XXYLT1: variants seen among roughly 807,000 people sequenced by gnomAD.
The protein encoded by XXYLT1 is UDP-xylose:alpha-xyloside alpha-1,3-xylosyltransferase.
A neutral mutation model predicts 28.9 loss-of-function variants in XXYLT1; 20 were observed. That is an observed-to-expected ratio of 0.69 (90% CI 0.49 to 1.00). The LOEUF (loss-of-function observed/expected upper bound fraction) is 1.00. XXYLT1 is among the 50% of genes least tolerant of loss of function. XXYLT1 has a pLI of 0.00. For missense variants in XXYLT1, 542 were observed against 560.1 expected, an observed-to-expected ratio of 0.97 and a Z score of 0.33; for synonymous variants, 257 against 253.8, an observed-to-expected ratio of 1.01 and a Z score of -0.12.
At chr3:195,109,615 TGA>T (rs756668382) in intron 3 of XXYLT1, among the ~76,000 whole-genome samples, 1 of 14,348 alleles carries the variant, frequency 7.0e-5, no homozygotes, top group Admixed American at 8.2e-4. Context: ...GTGTGTTGTA[TGA>T]GTGTGTGTGG....
chr3:195,084,889 T>C (rs1326525116), intron 3 of XXYLT1, among the ~76,000 whole-genome samples: 1 of 152,180 alleles, frequency 6.6e-6, no homozygotes, highest in Non-Finnish European at 1.5e-5. Flanking sequence ...ACACCTTGGC[T>C]CTTGGCAGGG....
At chr3:195,269,662 A>G (rs758259877) in intron 1 of XXYLT1, among the ~76,000 whole-genome samples, 14 of 152,222 alleles carry the variant, frequency 9.2e-5, no homozygotes, top group Non-Finnish European at 1.8e-4. Context: ...CACATAATAC[A>G]ACTCCTGTCT....
chr3:195,207,813 ACT>A (rs1280508734), intron 2 of XXYLT1, among the ~76,000 whole-genome samples: 1 of 152,050 alleles, frequency 6.6e-6, no homozygotes, highest in Non-Finnish European at 1.5e-5. Context: ...CTATGTAAAG[ACT>A]CAATTCCCCT....
intron 2 of XXYLT1, chr3:195,175,530 G>C: frequency 6.6e-7 from 1 of 1,517,914 alleles, no homozygotes; most frequent in Admixed American, 2.0e-5. Context: ...CCCATGGGCT[G>C]TTCAGATGGA....
intron 3 of XXYLT1, among the ~76,000 whole-genome samples, chr3:195,149,244 A>G (rs1408997703): frequency 1.3e-5 from 2 of 152,216 alleles, no homozygotes; most frequent in Admixed American, 1.3e-4. Flanking sequence ...AATATAGAAA[A>G]TTTCTGGAAA....
intron 3 of XXYLT1, among the ~76,000 whole-genome samples, chr3:195,108,948 A>G (rs909142885): frequency 5.9e-5 from 9 of 152,194 alleles, no homozygotes; most frequent in African/African-American, 1.7e-4. Context: ...TAAGGCAGCT[A>G]TTATCTTGTG....
intron 3 of XXYLT1, chr3:195,152,458 G>A (rs1473180533): frequency 6.6e-6 from 1 of 152,436 alleles, no homozygotes; most frequent in Non-Finnish European, 1.5e-5. Context: ...GGACCCGAGA[G>A]AGAGAGGCTC....
intron 3 of XXYLT1, among the ~76,000 whole-genome samples, chr3:195,094,843 C>T (rs1560091045): frequency 2.6e-5 from 4 of 152,258 alleles, no homozygotes; most frequent in South Asian, 2.1e-4. Context: ...TGCTCCACCA[C>T]GCACCTGTTC....
rs1719101133 is a variant in XXYLT1 at position 195,134,866 on chromosome 3, TGTGCGTGTGC to T, written c.785+21573_785+21582del. Among the ~76,000 whole-genome samples, 74 of 93,576 alleles carry T rather than the reference TGTGCGTGTGC, an allele frequency of 7.9e-4. 1 individual carries two copies. The highest frequency in any genetic ancestry group is 3.7e-3 in the East Asian group (4 of 1,068). The allele number at this position is 93,576 out of a possible 152,430, so 61.4% of individuals were successfully genotyped here. On this transcript the variant is annotated intron_variant, in intron 3 of 3. Transcript: ENST00000310380. ...GTGTGTGTGTGTGTGTGTGTGTGTG[TGTGCGTGTGC>T]GCGCGTGCGCGCACGTGCAAAGAGC... is the stretch of plus-strand genomic sequence containing the variant.
intron 2 of XXYLT1, among the ~76,000 whole-genome samples, chr3:195,161,537 T>C (rs757526202): frequency 1.8e-4 from 28 of 151,870 alleles, no homozygotes; most frequent in Non-Finnish European, 7.4e-5. Context: ...TTCTCTTTCA[T>C]TGACAAAGAC....
In XXYLT1 at chr3:195,216,588, T is replaced by C. The variant is rs1192138495; in HGVS notation, c.652+10121A>G. ...AGAAATGGATAAATTCCTCGACACATACACTCTCCCAAGACTAAACCAGGA... is the reference window on the plus strand; with the variant it reads ...AGAAATGGATAAATTCCTCGACACACACACTCTCCCAAGACTAAACCAGGA... On this transcript the variant is annotated intron_variant, in intron 2 of 3. Transcript: ENST00000310380. Among the ~76,000 whole-genome samples the C allele has an allele frequency of 1.3e-4, 19 of 148,314 alleles. 1 individual carries two copies. The highest frequency in any genetic ancestry group is 4.4e-4 in the African/African-American group (18 of 40,626).
chr3:195,235,891 TATAGAC>T (rs3988214), intron 1 of XXYLT1, among the ~76,000 whole-genome samples: 53,163 of 144,612 alleles, frequency 0.37, 10,393 homozygotes, highest in Non-Finnish European at 0.44. Flanking sequence ...TCTATAAATA[TATAGAC>T]ATAGACATAG....
intron 3 of XXYLT1, among the ~76,000 whole-genome samples, chr3:195,108,270 G>A (rs919529528): frequency 2.0e-5 from 3 of 152,184 alleles, no homozygotes; most frequent in Non-Finnish European, 2.9e-5. Flanking sequence ...AATTAGAAAC[G>A]CAAACCACCA....
chr3:195,081,196 G>A (rs76139026), intron 3 of XXYLT1, among the ~76,000 whole-genome samples: 6,764 of 151,336 alleles, frequency 0.045, 225 homozygotes, highest in East Asian at 0.19. Flanking sequence ...GATCGCTAAC[G>A]CTGCTGGTCC....
rs1432621918 is a variant in XXYLT1, at chr3:195,133,211, C to A, written c.785+23238G>T. Among the ~76,000 whole-genome samples the A allele has an allele frequency of 6.6e-6, 1 of 152,168 alleles. No homozygotes were observed. The highest frequency in any genetic ancestry group is 1.5e-5 in the Non-Finnish European group (1 of 68,028). ...GACGGCTGAAGCCCCAGGTGCCCCG[C>A]CTGCTGAGCAGACAGATGGCTGCAA... On this transcript the variant is annotated intron_variant, in intron 3 of 3. Transcript: ENST00000310380. The surrounding 1 kb of genome is among the most constrained non-coding windows in gnomAD (Gnocchi z 4.4).
chr3:195,261,568 C>T (rs1056089597), intron 1 of XXYLT1, among the ~76,000 whole-genome samples: 3 of 152,208 alleles, frequency 2.0e-5, no homozygotes, highest in African/African-American at 7.2e-5. Flanking sequence ...TGACTTCAGG[C>T]ACATCAGTGT....
In XXYLT1 at chr3:195,209,658, A is replaced by G. The variant is rs1723224911; in HGVS notation, c.652+17051T>C. The G allele has an allele frequency of 6.6e-6, 1 of 152,422 alleles. No homozygotes were observed. Among genetic ancestry groups the G allele is most frequent in the African/African-American group, 2.4e-5 (1 of 41,336 alleles). The allele number at this position is 152,422 out of a possible 1,614,324, so 9.4% of individuals were successfully genotyped here. A position where few individuals can be genotyped will look rare whatever the true frequency, so the allele number is the denominator to read the frequency against. ...GGCAGAGTGTGGGTCTGAACCAGAG[A>G]AAAAGGCTGCAGCACAGGAGGGATG... On this transcript the variant is annotated intron_variant, in intron 2 of 3. Transcript: ENST00000310380. This position sits in a 1 kb window ranked among gnomAD's most constrained non-coding sequence, Gnocchi z 5.0.
At chr3:195,219,099 G>T (rs1448967875) in intron 2 of XXYLT1, among the ~76,000 whole-genome samples, 1 of 151,572 alleles carries the variant, frequency 6.6e-6, no homozygotes, top group Admixed American at 6.6e-5. Context: ...CTCACTCATA[G>T]GTGGGAACTG....
At chr3:195,175,733 C>T in intron 2 of XXYLT1, 1 of 1,535,130 alleles carries the variant, frequency 6.5e-7, no homozygotes, top group Non-Finnish European at 8.7e-7. Context: ...TGGACTGTAG[C>T]AGTGAGAAGC....
Sources: allele counts gnomAD v4.1 joint callset (sites outside exome capture counted in the v4.1 genomes callset), GRCh38; gene constraint gnomAD v4.1.1; non-coding constraint Gnocchi (gnomAD v3.1); transcripts MANE v1.5; gene names NCBI Gene and HGNC (gene_info 2026-07-23, HGNC 2026-07-21).